Variants in MYOM2 observed in about 807,000 individuals in gnomAD.
MYOM2 encodes the protein myomesin-2.
In MYOM2, 254 loss-of-function variants were observed where a neutral mutation model predicts 187.6. The observed-to-expected ratio is 1.35, with a 90% confidence interval of 1.22 to 1.50. The LOEUF (loss-of-function observed/expected upper bound fraction) is 1.50, where lower values mean the gene tolerates loss of function less well. MYOM2 is among the 40% of genes most tolerant of loss of function. The probability of loss-of-function intolerance (pLI) is 0.00; values close to 1 mark genes in which losing one functional copy is unlikely to be tolerated. For synonymous variants in MYOM2, 981 were observed against 753.8 expected (o/e 1.30, Z -4.94); for missense variants, 2,796 against 1,924.0 (o/e 1.45, Z -8.48).
In MYOM2 at chr8:2,145,296, C is replaced by T. The variant is rs1021414513; in HGVS notation, c.*315C>T. ...TGGGCACATGGGTGTGGCACCTGGA[C>T]GTGTGCAGCATGTGGCGGTCTGTGT... On this transcript the variant is annotated 3_prime_UTR_variant, in exon 37 of 37. Coordinates refer to ENST00000262113, the MANE Select transcript of MYOM2 (RefSeq NM_003970.4). The T allele has an allele frequency of 7.9e-5, 38 of 479,560 alleles. No homozygotes were observed. Among genetic ancestry groups the T allele is most frequent in the African/African-American group, 1.4e-4 (7 of 50,296 alleles). The allele number at this position is 479,560 out of a possible 1,614,324, so 29.7% of individuals were successfully genotyped here.
Position 2,080,650 on chromosome 8 carries a change from T to A in MYOM2, c.1516+1037T>A, listed in dbSNP as rs867806725. ...TCTTGCAGTCTCCTGGGCATCTGGC[T>A]TTTTGAGTCAGCCTGGTATTCTGTC... On this transcript the variant is annotated intron_variant, in intron 13 of 36. Coordinates refer to ENST00000262113, the MANE Select transcript of MYOM2 (RefSeq NM_003970.4). Among the ~76,000 whole-genome samples, 376 of 152,356 alleles carry A rather than the reference T, an allele frequency of 2.5e-3. 1 individual carries two copies. Among genetic ancestry groups the A allele is most frequent in the African/African-American group, 8.8e-3 (365 of 41,586 alleles).
rs1797556785 is a variant in MYOM2 at position 2,124,218 on chromosome 8, G to GT, written c.3694+2dup. The GT allele has an allele frequency of 1.9e-6, 3 of 1,611,412 alleles. No individual in the cohort carries two copies. The highest frequency in any genetic ancestry group is 2.5e-6 in the Non-Finnish European group (3 of 1,178,182). On this transcript the variant is annotated splice_donor_variant, in intron 31 of 36. Transcript: ENST00000262113. LOFTEE classifies it high-confidence loss of function. Reference sequence around the variant, plus strand: ...ATTTTGGCAATGAGTAGAGTCTGTGGTAAGTAAATGCCTTTTAATTTTCAA... The same window carrying GT: ...ATTTTGGCAATGAGTAGAGTCTGTGGTTAAGTAAATGCCTTTTAATTTTCAA...
intron 13 of MYOM2, among the ~76,000 whole-genome samples, chr8:2,083,722 C>T (rs1003267428): frequency 3.9e-5 from 6 of 152,196 alleles, no homozygotes; most frequent in Admixed American, 6.5e-5. Context: ...CCCTTTTCTC[C>T]TCTCTCCATG....
At chr8:2,060,688 A>T (rs1252312300) in intron 6 of MYOM2, among the ~76,000 whole-genome samples, 1 of 152,196 alleles carries the variant, frequency 6.6e-6, no homozygotes, top group Admixed American at 6.5e-5. Context: ...ACAAATGTTG[A>T]TTGATCATCC....
At chr8:2,115,125 A>C (rs1213436217) in intron 25 of MYOM2, among the ~76,000 whole-genome samples, 2 of 151,068 alleles carry the variant, frequency 1.3e-5, no homozygotes, top group Non-Finnish European at 1.5e-5. Context: ...AAGAAGCACA[A>C]AAAGGTAAAA....
At chr8:2,096,562 A>G (rs1263722684) in intron 18 of MYOM2, 128 bp downstream of exon 18, 1 of 891,108 alleles carries the variant, frequency 1.1e-6, no homozygotes. Context: ...AAATAGCATC[A>G]TGAGATCATG....
chr8:2,119,265 G>C (rs1226259652), intron 28 of MYOM2: 1 of 152,334 alleles, frequency 6.6e-6, no homozygotes, highest in Non-Finnish European at 1.5e-5. Flanking sequence ...GCTGCCAAAG[G>C]ACAGCCTTTA....
chr8:2,117,132 T>C (rs1390068230), intron 27 of MYOM2, among the ~76,000 whole-genome samples: 1 of 150,248 alleles, frequency 6.7e-6, no homozygotes, highest in Non-Finnish European at 1.5e-5. Flanking sequence ...TTATGAAACA[T>C]AAAATCAAAA....
chr8:2,052,395 G>T, intron 3 of MYOM2, 82 bp downstream of exon 3: 1 of 1,401,582 alleles, frequency 7.1e-7, no homozygotes, highest in South Asian at 1.6e-5. Flanking sequence ...AGGGAAGAGC[G>T]ACCTTAGCTG....
intron 32 of MYOM2, among the ~76,000 whole-genome samples, chr8:2,133,082 G>T (rs1797932925): frequency 6.6e-6 from 1 of 152,146 alleles, no homozygotes; most frequent in Non-Finnish European, 1.5e-5. Context: ...CCAGGTATGT[G>T]CAGTCCCCTC....
intron 1 of MYOM2, among the ~76,000 whole-genome samples, chr8:2,047,423 G>C (rs993418396): frequency 7.2e-6 from 1 of 138,992 alleles, no homozygotes; most frequent in African/African-American, 2.5e-5. Context: ...TTCTGGGTTG[G>C]GCATGTGATT....
At chr8:2,125,632 G>C (rs570454199) in intron 31 of MYOM2, among the ~76,000 whole-genome samples, 1 of 101,744 alleles carries the variant, frequency 9.8e-6, no homozygotes, top group Non-Finnish European at 1.9e-5. Flanking sequence ...TTTTTGAGAC[G>C]GAGTCTTTCC....
Position 2,144,897 on chromosome 8 carries a change from CG to C in MYOM2, c.4318del (p.Glu1440ArgfsTer72). On this transcript the variant is annotated frameshift_variant, in exon 37 of 37. Coordinates refer to ENST00000262113, the MANE Select transcript of MYOM2 (RefSeq NM_003970.4). LOFTEE classifies it low-confidence loss of function (END_TRUNC). ...ACGTGACAGTGAGCGTGTACAAACA[CG>C]GGGAGAAGATCCCGGACATGGCCCC... Reference protein sequence around the residue: ...IDVTVSVYKHGEKIPDMAPPQ... With the variant: ...IDVTVSVYKHXEKIPDMAPPQ... 1 of 1,614,098 alleles carries C rather than the reference CG, an allele frequency of 6.2e-7. No homozygotes were observed. The highest frequency in any genetic ancestry group is 8.5e-7 in the Non-Finnish European group (1 of 1,180,036).
intron 19 of MYOM2, among the ~76,000 whole-genome samples, 200 bp downstream of exon 19, chr8:2,099,183 G>A (rs1039582081): frequency 8.5e-5 from 13 of 152,250 alleles, no homozygotes; most frequent in African/African-American, 3.1e-4. Flanking sequence ...GGCTGTGCGT[G>A]GTCCAGAGGC....
intron 33 of MYOM2, 25 bp downstream of exon 33, chr8:2,140,911 T>G: frequency 6.3e-7 from 1 of 1,579,730 alleles, no homozygotes; most frequent in Non-Finnish European, 8.6e-7. Flanking sequence ...CTTTAGCATT[T>G]AATAATTTCC....
chr8:2,073,015 T>A (rs1344512231), intron 9 of MYOM2, among the ~76,000 whole-genome samples: 5 of 152,122 alleles, frequency 3.3e-5, no homozygotes, highest in African/African-American at 1.2e-4. Flanking sequence ...GGGAAGCCGG[T>A]TGGGGCAGTG....
intron 15 of MYOM2, 123 bp downstream of exon 15, chr8:2,090,314 T>A: frequency 1.1e-6 from 1 of 909,760 alleles, no homozygotes; most frequent in Non-Finnish European, 1.6e-6. Flanking sequence ...CAAGTGGACT[T>A]AAAACTTCAC....
At chr8:2,082,825 G>A (rs1443229653) in intron 13 of MYOM2, among the ~76,000 whole-genome samples, 1 of 152,164 alleles carries the variant, frequency 6.6e-6, no homozygotes, top group Non-Finnish European at 1.5e-5. Flanking sequence ...TGCTCTGCAG[G>A]ACCCTTCAAT....
chr8:2,090,942 G>A (rs1035067952), intron 15 of MYOM2, among the ~76,000 whole-genome samples: 1 of 146,594 alleles, frequency 6.8e-6, no homozygotes, highest in Non-Finnish European at 1.5e-5. Context: ...GCATCCATAT[G>A]TCTTTATGGT....
Sources: allele counts gnomAD v4.1 joint callset (sites outside exome capture counted in the v4.1 genomes callset), GRCh38; gene constraint gnomAD v4.1.1; transcripts MANE v1.5; gene names NCBI Gene and HGNC (gene_info 2026-07-23, HGNC 2026-07-21).